The following PALS2 variants were observed in gnomAD, a reference collection of about 807,000 sequenced individuals.
The protein encoded by PALS2 is protein associated with LIN7 2, MAGUK p55 family member, also known as protein PALS2.
A neutral mutation model predicts 61.6 loss-of-function variants in PALS2; 27 were observed. That is an observed-to-expected ratio of 0.44 (90% CI 0.32 to 0.60). The LOEUF is 0.60. Among genes scored for constraint, PALS2 ranks in the 20% least tolerant of loss-of-function variants. The pLI is 0.05. For missense variants in PALS2, 554 were observed against 639.4 expected (o/e 0.87, Z 1.44); for synonymous variants, 236 against 218.6 (o/e 1.08, Z -0.70).
At chr7:24,602,711 A>T (rs1783764474) in intron 1 of PALS2, among the ~76,000 whole-genome samples, 1 of 152,064 alleles carries the variant, frequency 6.6e-6, no homozygotes, top group African/African-American at 2.4e-5. Flanking sequence ...CCTAGTTTTC[A>T]GTTCTGTGTA....
chr7:24,646,517 G>A (rs1004880957), intron 3 of PALS2, among the ~76,000 whole-genome samples: 3 of 152,154 alleles, frequency 2.0e-5, no homozygotes, highest in Admixed American at 6.5e-5. Flanking sequence ...TGATCATGGT[G>A]GATTAGCTTT....
In PALS2 at chr7:24,642,472, T is replaced by C. The variant is rs138021101; in HGVS notation, c.270+604T>C. On this transcript the variant is annotated intron_variant, in intron 3 of 11. Coordinates refer to ENST00000222644, the MANE Select transcript of PALS2 (RefSeq NM_001303037.2). ...TAAGACAGTGTGGTATTGGGGAAGG[T>C]GTTAGAAAAATTAACTCATTGAAAA... 4.2e-3 allele frequency among the ~76,000 whole-genome samples: 641 copies of C among 152,234 alleles called. 6 individuals carry two copies. The highest frequency in any genetic ancestry group is 0.014 in the Middle Eastern group (4 of 294).
chr7:24,602,318 A>T (rs1032949653), intron 1 of PALS2, among the ~76,000 whole-genome samples: 2 of 151,634 alleles, frequency 1.3e-5, no homozygotes, highest in Non-Finnish European at 2.9e-5. Flanking sequence ...CTATTTGTTT[A>T]TTTTAATCTC....
At chr7:24,644,424 C>T (rs115378574) in intron 3 of PALS2, among the ~76,000 whole-genome samples, 1 of 152,116 alleles carries the variant, frequency 6.6e-6, no homozygotes, top group African/African-American at 2.4e-5. Context: ...CATGTTGCCA[C>T]AAAAGACATG....
At chr7:24,671,365 G>A (rs957726399) in intron 9 of PALS2, among the ~76,000 whole-genome samples, 1 of 152,108 alleles carries the variant, frequency 6.6e-6, no homozygotes, top group African/African-American at 2.4e-5. Context: ...CCATTTTTCA[G>A]TTAGGTTATT....
At chr7:24,583,126 C>T (rs556475853) in intron 1 of PALS2, among the ~76,000 whole-genome samples, 4 of 151,902 alleles carry the variant, frequency 2.6e-5, no homozygotes, top group Admixed American at 6.6e-5. Context: ...CTCCTGACCT[C>T]GTGATCTGCC....
intron 2 of PALS2, among the ~76,000 whole-genome samples, chr7:24,640,661 C>T (rs1378797094): frequency 2.6e-5 from 4 of 152,114 alleles, no homozygotes; most frequent in Non-Finnish European, 5.9e-5. Flanking sequence ...GCTTAGTGTT[C>T]ATTCTCAATT....
In PALS2 at chr7:24,679,726, T is replaced by C. The variant is rs576647852; in HGVS notation, c.1317+393T>C. Among the ~76,000 whole-genome samples the C allele has an allele frequency of 9.5e-5, 10 of 105,392 alleles. No homozygotes were observed. The East Asian group carries it at 4.2e-3, about 44-fold the overall frequency. 69.1% of individuals were successfully genotyped at this position (105,392 alleles called of 152,430 possible). A position where few individuals can be genotyped will look rare whatever the true frequency, so the allele number is the denominator to read the frequency against. On this transcript the variant is annotated intron_variant, in intron 10 of 11. Transcript: ENST00000222644. Reference sequence around the variant, plus strand: ...GACACACATGCACACCTCTACACTATTCATTTTGTCACTCTATATTTCTGT... The same window carrying C: ...GACACACATGCACACCTCTACACTACTCATTTTGTCACTCTATATTTCTGT...
chr7:24,580,305 G>A (rs1782792062), intron 1 of PALS2, among the ~76,000 whole-genome samples: 1 of 152,116 alleles, frequency 6.6e-6, no homozygotes, highest in African/African-American at 2.4e-5. Context: ...AATTTAGTAG[G>A]TCTGGTATGG....
rs1301460085 is a variant in PALS2 at position 24,618,340 on chromosome 7, C to T, written c.-2-5326C>T. 6.6e-6 allele frequency among the ~76,000 whole-genome samples: 1 copy of T among 152,184 alleles called. No homozygotes were observed. The highest frequency in any genetic ancestry group is 1.5e-5 in the Non-Finnish European group (1 of 68,028). On this transcript the variant is annotated intron_variant, in intron 1 of 11. Transcript: ENST00000222644. The surrounding 1 kb of genome is among the most constrained non-coding windows in gnomAD (Gnocchi z 5.1). ...CTGCAGGACCAGAGCCACAGCAGAT[C>T]CTGTGCTCAGGCTCTGTGCAGCTGG... is the stretch of plus-strand genomic sequence containing the variant.
intron 3 of PALS2, among the ~76,000 whole-genome samples, chr7:24,648,198 TTTA>T (rs1383253544): frequency 6.6e-6 from 1 of 152,190 alleles, no homozygotes; most frequent in African/African-American, 2.4e-5. Flanking sequence ...TCTATTTTGA[TTTA>T]TTGTTTTTGA....
intron 3 of PALS2, among the ~76,000 whole-genome samples, chr7:24,644,088 C>G (rs1051036735): frequency 5.9e-5 from 8 of 135,862 alleles, no homozygotes; most frequent in African/African-American, 1.9e-4. Flanking sequence ...TCAATATTTT[C>G]TTTTTTCTTT....
intron 2 of PALS2, among the ~76,000 whole-genome samples, chr7:24,630,493 A>T (rs10480031): frequency 0.058 from 8,814 of 151,510 alleles, 639 homozygotes; most frequent in African/African-American, 0.17. Context: ...AATAATTTTT[A>T]AAAAAAAGAA....
Position 24,670,582 on chromosome 7 carries a change from A to G in PALS2, c.1114+1922A>G, listed in dbSNP as rs539432462. On this transcript the variant is annotated intron_variant, in intron 9 of 11. Transcript: ENST00000222644. ...TCTGCATCTTTGTGTTTTAAAATGT[A>G]TATTTTCTGCCCTTTATTTGACTAA... 2.3e-4 allele frequency among the ~76,000 whole-genome samples: 35 copies of G among 152,266 alleles called. No homozygotes were observed. In the South Asian group the frequency reaches 7.3e-3, roughly 32 times the overall value.
In PALS2 at chr7:24,600,927, CT is replaced by C. The variant is rs931005710; in HGVS notation, c.-2-22730del. Reference sequence around the variant, plus strand: ...TAACTATTTACACATGATAGATATACTTTTTTTTTAGGTTTTTATTTTTTAT... The same window carrying C: ...TAACTATTTACACATGATAGATATACTTTTTTTTAGGTTTTTATTTTTTAT... On this transcript the variant is annotated intron_variant, in intron 1 of 11. Coordinates refer to ENST00000222644, the MANE Select transcript of PALS2 (RefSeq NM_001303037.2). 2.4e-4 allele frequency among the ~76,000 whole-genome samples: 37 copies of C among 151,090 alleles called. No individual in the cohort carries two copies. The East Asian group carries it at 2.9e-3, about 12-fold the overall frequency.
chr7:24,575,781 AC>A (rs941287959), intron 1 of PALS2, among the ~76,000 whole-genome samples: 1 of 152,248 alleles, frequency 6.6e-6, no homozygotes, highest in Admixed American at 6.5e-5. Context: ...TTGTAAAAAA[AC>A]AGCCAGAAAA....
rs187949813 is a variant in PALS2, at chr7:24,640,033, T to C, written c.118-1683T>C. On this transcript the variant is annotated intron_variant, in intron 2 of 11. Transcript: ENST00000222644. The stretch of plus-strand genomic sequence containing the variant: ...GGTTTCACCATGTTGGGCAGGCTGG[T>C]CTCGAACTCCTGAGCTCAAGTGATC... 2.7e-3 allele frequency among the ~76,000 whole-genome samples: 405 copies of C among 152,062 alleles called. 3 individuals are homozygous for C. Among genetic ancestry groups the C allele is most frequent in the African/African-American group, 9.2e-3 (383 of 41,484 alleles).
Position 24,623,521 on chromosome 7 carries a change from A to G in PALS2, c.-2-145A>G, listed in dbSNP as rs563097062. ...GAAACTCATACTGTTTAACAATTTC[A>G]TTTTTTAAAATGTTATTTTTCCAAA... On this transcript the variant is annotated intron_variant, in intron 1 of 11. Coordinates refer to ENST00000222644, the MANE Select transcript of PALS2 (RefSeq NM_001303037.2). 68 of 561,856 alleles carry G rather than the reference A, an allele frequency of 1.2e-4. No homozygotes were observed. The African/African-American group carries it at 1.3e-3, about 10-fold the overall frequency. The allele number at this position is 561,856 out of a possible 1,614,324, so 34.8% of individuals were successfully genotyped here. A position where few individuals can be genotyped will look rare whatever the true frequency, so the allele number is the denominator to read the frequency against.
intron 9 of PALS2, among the ~76,000 whole-genome samples, chr7:24,671,490 T>G (rs1287564069): frequency 6.6e-6 from 1 of 152,208 alleles, no homozygotes. Context: ...ACTTCTCGTG[T>G]TTTTGATGGT....
Sources: gnomAD v4.1 joint callset for allele counts (sites outside exome capture counted in the v4.1 genomes callset) on GRCh38, gnomAD v4.1.1 for gene constraint, Gnocchi (gnomAD v3.1) non-coding constraint, MANE v1.5 for transcripts, NCBI Gene and HGNC (gene_info 2026-07-23, HGNC 2026-07-21) for gene names.